CSMD2: variants seen among roughly 807,000 people sequenced by gnomAD.
CSMD2 encodes the protein CUB and sushi domain-containing protein 2.
A neutral mutation model predicts 398.5 loss-of-function variants in CSMD2; 130 were observed. That is an observed-to-expected ratio of 0.33 (90% CI 0.28 to 0.38). The LOEUF is 0.38. CSMD2 is among the 10% of genes least tolerant of loss of function. CSMD2 has a pLI of 1.00. For synonymous variants in CSMD2, 1,828 were observed against 1,908.5 expected, an observed-to-expected ratio of 0.96 and a Z score of 1.10; for missense variants, 3,829 against 4,764.9, an observed-to-expected ratio of 0.80 and a Z score of 5.78.
chr1:33,948,306 C>A (rs911231430), intron 3 of CSMD2, among the ~76,000 whole-genome samples: 25 of 152,244 alleles, frequency 1.6e-4, no homozygotes, highest in African/African-American at 5.8e-4. Context: ...TGGACTCTAC[C>A]CTCTGCCTTC....
rs191875763 is a variant in CSMD2 at position 33,845,963 on chromosome 1, T to A, written c.1033+921A>T. Among the ~76,000 whole-genome samples the A allele has an allele frequency of 1.8e-3, 269 of 152,348 alleles. 1 individual carries two copies. Among genetic ancestry groups the A allele is most frequent in the African/African-American group, 5.9e-3 (244 of 41,584 alleles). On this transcript the variant is annotated intron_variant, in intron 6 of 70. Coordinates refer to ENST00000373381, the MANE Select transcript of CSMD2 (RefSeq NM_001281956.2). ...CCTTATACTTAATAGGTACACAATA[T>A]AAGCTTGCTGTCTATTCTATTAAAA...
chr1:33,569,250 G>T, intron 52 of CSMD2, 124 bp downstream of exon 52: 1 of 1,044,278 alleles, frequency 9.6e-7, no homozygotes, highest in Non-Finnish European at 1.3e-6. Context: ...GTTGGTGTTT[G>T]GATTAAGCAT....
intron 49 of CSMD2, among the ~76,000 whole-genome samples, chr1:33,572,965 G>A (rs560026446): frequency 3.9e-5 from 6 of 152,020 alleles, no homozygotes; most frequent in East Asian, 1.9e-4. Flanking sequence ...CCAGTTCTCC[G>A]CCATCTGTTC....
chr1:33,700,539 C>G lies in CSMD2; in HGVS notation c.3711G>C (p.Lys1237Asn). Residue 1237 changes from lysine to asparagine, a missense_variant, in exon 23 of 71, where the codon AAG (lysine) becomes AAC (asparagine). By Grantham distance (94) the Lys-to-Asn change is moderately conservative. Around this residue, in one of 5 missense-constraint regions of CSMD2, gnomAD observed 2,001 missense variants for 2,567.1 expected, o/e 0.78. Transcript: ENST00000373381. ...DFITDAENTS[K>N]GFELHFSSFE... ...TACTGGAAAAGTGCAGTTCAAAGCC[C>G]TTGCTGGTGTTTTCAGCATCAGTGA... 6.2e-7 allele frequency: 1 copy of G among 1,614,228 alleles called. No individual in the cohort carries two copies. Among genetic ancestry groups the G allele is most frequent in the Admixed American group, 1.7e-5 (1 of 60,030 alleles).
In CSMD2 at chr1:33,636,393, G is replaced by A. The variant is rs771598973; in HGVS notation, c.4936C>T (p.Pro1646Ser). 1 of 1,613,212 alleles carries A rather than the reference G, an allele frequency of 6.2e-7. No homozygotes were observed. Among genetic ancestry groups the A allele is most frequent in the Admixed American group, 1.7e-5 (1 of 59,904 alleles). The change falls in exon 30 of 71, where the codon CCC (proline) becomes TCC (serine). Residue 1646 changes from proline to serine, a missense_variant. By Grantham distance (74) the Pro-to-Ser change is moderately conservative. Coordinates refer to ENST00000373381, the MANE Select transcript of CSMD2 (RefSeq NM_001281956.2). The surrounding 1 kb of genome is among the most constrained non-coding windows in gnomAD (Gnocchi z 4.8). The stretch of plus-strand genomic sequence containing the variant: ...ACTGGCCGGGGATTGTTCCACACGG[G>A]CTTCCCATCAGGCCCCAGGATGCAG... ...LSCILGPDGK[P>S]VWNNPRPVCT... is the part of the protein sequence containing the mutation.
Position 33,772,616 on chromosome 1 carries a change from G to A in CSMD2, c.1799C>T (p.Thr600Ile). 6.2e-7 allele frequency: 1 copy of A among 1,614,110 alleles called. No homozygotes were observed. Among genetic ancestry groups the A allele is most frequent in the South Asian group, 1.1e-5 (1 of 91,072 alleles). ...AFELVGQKAI[T>I]CQKNNQWSAK... ...CGACCATTGGTTATTCTTTTGGCAT[G>A]TGATTGCCTTCTGTCCCACCAGCTC... is the stretch of plus-strand genomic sequence containing the variant. The change falls in exon 13 of 71, where the codon ACA becomes ATA. Residue 600 changes from threonine to isoleucine, a missense_variant. By Grantham distance (89) the Thr-to-Ile change is moderately conservative (BLOSUM62 -1). Coordinates refer to ENST00000373381, the MANE Select transcript of CSMD2 (RefSeq NM_001281956.2).
rs6683248 is a variant in CSMD2, at chr1:34,071,168, G to C, written c.404+17809C>G. On this transcript the variant is annotated intron_variant, in intron 2 of 70. Coordinates refer to ENST00000373381, the MANE Select transcript of CSMD2 (RefSeq NM_001281956.2). ...GCACAGTGAAAGACTGCCAGGTGCAGAGGAGCTAGCCACTATAAACTTCGT... is the reference window on the plus strand; with the variant it reads ...GCACAGTGAAAGACTGCCAGGTGCACAGGAGCTAGCCACTATAAACTTCGT... 3.7e-3 allele frequency among the ~76,000 whole-genome samples: 563 copies of C among 152,362 alleles called. 6 individuals are homozygous for C. Among genetic ancestry groups the C allele is most frequent in the Middle Eastern group, 0.024 (7 of 294 alleles).
chr1:33,785,800 G>A (rs1427610915), intron 12 of CSMD2, among the ~76,000 whole-genome samples: 1 of 152,116 alleles, frequency 6.6e-6, no homozygotes, highest in East Asian at 1.9e-4. Flanking sequence ...TTCAACAAGT[G>A]GTATGTCCCT....
chr1:33,993,450 G>C (rs1217960577), intron 3 of CSMD2, among the ~76,000 whole-genome samples: 1 of 151,904 alleles, frequency 6.6e-6, no homozygotes, highest in Non-Finnish European at 1.5e-5. Flanking sequence ...CTCTCTTTGG[G>C]AGTCCTCGGA....
chr1:33,650,912 T>C (rs1371757741), intron 28 of CSMD2, among the ~76,000 whole-genome samples: 1 of 152,206 alleles, frequency 6.6e-6, no homozygotes, highest in Non-Finnish European at 1.5e-5. Context: ...CCTACAATTT[T>C]ATAGGAGTTG....
chr1:33,846,453 A>C (rs1324036239), intron 6 of CSMD2, among the ~76,000 whole-genome samples: 1 of 152,216 alleles, frequency 6.6e-6, no homozygotes, highest in Non-Finnish European at 1.5e-5. Context: ...CCAGACTCAA[A>C]AGGCAGGAGT....
intron 29 of CSMD2, among the ~76,000 whole-genome samples, chr1:33,641,835 T>C (rs2148932778): frequency 6.6e-6 from 1 of 152,326 alleles, no homozygotes; most frequent in East Asian, 1.9e-4. Context: ...TTTGTTTGGT[T>C]TTCTGGTCTG....
chr1:34,067,844 G>C (rs896535533), intron 2 of CSMD2, among the ~76,000 whole-genome samples: 1 of 152,112 alleles, frequency 6.6e-6, no homozygotes, highest in Non-Finnish European at 1.5e-5. Context: ...AACTGCACAC[G>C]TACCTCCCTT....
intron 2 of CSMD2, among the ~76,000 whole-genome samples, chr1:34,046,166 G>A (rs896947757): frequency 6.6e-6 from 1 of 152,212 alleles, no homozygotes; most frequent in African/African-American, 2.4e-5. Flanking sequence ...GGGAATTAGG[G>A]ACCATGTGTG....
At chr1:34,138,461 A>G (rs1638967581) in intron 1 of CSMD2, among the ~76,000 whole-genome samples, 1 of 152,198 alleles carries the variant, frequency 6.6e-6, no homozygotes, top group African/African-American at 2.4e-5. Context: ...TGTAAAACGG[A>G]GGTGGTAAGA....
At chr1:34,138,910 G>A (rs1032885014) in intron 1 of CSMD2, among the ~76,000 whole-genome samples, 1 of 152,122 alleles carries the variant, frequency 6.6e-6, no homozygotes, top group African/African-American at 2.4e-5. Context: ...TGGGATTTCA[G>A]TGAAATTTTA....
intron 37 of CSMD2, among the ~76,000 whole-genome samples, chr1:33,620,488 G>C (rs780247829): frequency 6.6e-6 from 1 of 152,210 alleles, no homozygotes; most frequent in South Asian, 2.1e-4. Flanking sequence ...CTTGGACGAA[G>C]AAAATTGAGA....
At chr1:33,699,239 C>T (rs895206880) in intron 23 of CSMD2, among the ~76,000 whole-genome samples, 6 of 152,248 alleles carry the variant, frequency 3.9e-5, no homozygotes, top group East Asian at 1.9e-4. Context: ...CTAGCAGGAG[C>T]GTTCTTTTCA....
intron 55 of CSMD2, among the ~76,000 whole-genome samples, chr1:33,555,036 T>C (rs570359892): frequency 6.6e-6 from 1 of 152,330 alleles, no homozygotes; most frequent in East Asian, 1.9e-4. Context: ...ATTCCTCTGA[T>C]GGATCTGGGC....
Sources: allele counts gnomAD v4.1 joint callset (sites outside exome capture counted in the v4.1 genomes callset), GRCh38; gene constraint gnomAD v4.1.1; regional missense constraint gnomAD v4.1.1; non-coding constraint Gnocchi (gnomAD v3.1); transcripts MANE v1.5; gene names NCBI Gene and HGNC (gene_info 2026-07-23, HGNC 2026-07-21).